Variants in ADGRV1 observed in about 807,000 individuals in gnomAD.
ADGRV1 encodes the protein G-protein coupled receptor 98.
ADGRV1 carries 359 observed loss-of-function variants against 596.2 expected under a neutral mutation model. The observed-to-expected ratio is 0.60, with a 90% CI of 0.55 to 0.66. The LOEUF (loss-of-function observed/expected upper bound fraction) is 0.66. Ranked by LOEUF, ADGRV1 falls within the 30% of genes least tolerant of loss-of-function variation. The pLI is 0.00. For missense variants in ADGRV1, 7,274 were observed against 7,575.6 expected, an observed-to-expected ratio of 0.96 and a Z score of 1.48; for synonymous variants, 2,681 against 2,679.2, an observed-to-expected ratio of 1.00 and a Z score of -0.02.
intron 83 of ADGRV1, among the ~76,000 whole-genome samples, chr5:90,939,747 A>C (rs185838088): frequency 1.4e-3 from 209 of 152,274 alleles, no homozygotes; most frequent in African/African-American, 4.7e-3. Context: ...ATAATACCTG[A>C]TACTTGAATA....
At chr5:90,929,087 TTGTC>T (rs1421637079) in intron 83 of ADGRV1, among the ~76,000 whole-genome samples, 1 of 148,136 alleles carries the variant, frequency 6.8e-6, no homozygotes, top group Non-Finnish European at 1.5e-5. Flanking sequence ...GTCTTTTTGT[TTGTC>T]TGTGCCCTGC....
chr5:91,079,027 A>AT lies in ADGRV1; in HGVS notation c.18310+6431dup, dbSNP rs1037494891. 8.5e-5 allele frequency among the ~76,000 whole-genome samples: 13 copies of AT among 152,106 alleles called. No homozygotes were observed. The South Asian group carries it at 2.7e-3, about 32-fold the overall frequency. ...AATAAAAATGGGAAAACATGATATG[A>AT]TTTTTTTTCCTAAAGCAGAATTGGG... On this transcript the variant is annotated intron_variant, in intron 86 of 89. Coordinates refer to ENST00000405460, the MANE Select transcript of ADGRV1 (RefSeq NM_032119.4).
rs935982028 is a variant in ADGRV1 at position 90,823,533 on chromosome 5, G to C, written c.16305G>C (p.Gly5435=). The C allele has an allele frequency of 6.2e-7, 1 of 1,613,904 alleles. No individual in the cohort carries two copies. The highest frequency in any genetic ancestry group is 8.5e-7 in the Non-Finnish European group (1 of 1,179,838). Residue 5435 remains glycine (G), a synonymous_variant, in exon 76 of 90, where the codon GGG becomes GGC. Coordinates refer to ENST00000405460, the MANE Select transcript of ADGRV1 (RefSeq NM_032119.4). ...TGGAGGAACTTCAGTCTGTGTCAGG[G>C]ACCACAACCTGTACAATGGGTCAAA... is the stretch of plus-strand genomic sequence containing the variant. ...NLVEELQSVS[G]TTTCTMGQTK... is the part of the protein sequence containing the mutation.
At position 90,684,217 on chromosome 5, in the gene ADGRV1, A is replaced by G. The variant is rs765953861; in HGVS notation, c.6274+22A>G. 8 of 1,449,226 alleles carry G rather than the reference A, an allele frequency of 5.5e-6. No individual in the cohort carries two copies. In the South Asian group the frequency reaches 6.8e-5, roughly 12 times the overall value. The allele number at this position is 1,449,226 out of a possible 1,614,324, so 89.8% of individuals were successfully genotyped here. On this transcript the variant is annotated intron_variant, in intron 28 of 89. Transcript: ENST00000405460. The stretch of plus-strand genomic sequence containing the variant: ...TCAAGTAAGTATCCCTTAGTGTGTT[A>G]TTATTATTATTAGCTCTCAGAATCC...
At chr5:90,643,309 C>G (rs902411180) in intron 13 of ADGRV1, among the ~76,000 whole-genome samples, 1 of 151,212 alleles carries the variant, frequency 6.6e-6, no homozygotes, top group African/African-American at 2.5e-5. Context: ...CTCCTTTTAG[C>G]TTTATTCATG....
chr5:90,774,659 C>T (rs1758036617), intron 60 of ADGRV1, among the ~76,000 whole-genome samples: 2 of 151,988 alleles, frequency 1.3e-5, no homozygotes, highest in South Asian at 2.1e-4. Flanking sequence ...AGCCATTCAA[C>T]GTGACATAAC....
Position 91,008,240 on chromosome 5 carries a change from A to C in ADGRV1, c.18152+22718A>C, listed in dbSNP as rs375149065. ...TTAACAGCTGACTTCCGTGGTCAGG[A>C]GACAACTGACTTGGAGCATCAGTTA... is the stretch of plus-strand genomic sequence containing the variant. On this transcript the variant is annotated intron_variant, in intron 85 of 89. Transcript: ENST00000405460. 7.9e-5 allele frequency among the ~76,000 whole-genome samples: 12 copies of C among 152,240 alleles called. 1 individual carries two copies. The East Asian group carries it at 2.1e-3, about 27-fold the overall frequency.
chr5:91,032,637 C>T (rs1011890936), intron 85 of ADGRV1, among the ~76,000 whole-genome samples: 2 of 151,562 alleles, frequency 1.3e-5, no homozygotes, highest in African/African-American at 4.8e-5. Flanking sequence ...CTTTCTTTGC[C>T]TTACTAAGTT....
chr5:90,826,996 A>C (rs1039986823), intron 76 of ADGRV1, among the ~76,000 whole-genome samples: 4 of 152,206 alleles, frequency 2.6e-5, no homozygotes, highest in African/African-American at 9.7e-5. Flanking sequence ...AAAATGTAAA[A>C]GGTAACAACT....
intron 1 of ADGRV1, among the ~76,000 whole-genome samples, chr5:90,596,212 C>T (rs1760546753): frequency 6.7e-6 from 1 of 150,216 alleles, no homozygotes. Flanking sequence ...CAGAGACGCT[C>T]CTCACTTCCT....
intron 50 of ADGRV1, among the ~76,000 whole-genome samples, chr5:90,730,413 A>G (rs1388820481): frequency 6.6e-6 from 1 of 152,164 alleles, no homozygotes; most frequent in Non-Finnish European, 1.5e-5. Context: ...TAAAATATGA[A>G]AGTATGTATA....
At chr5:91,065,895 A>G (rs548799111) in intron 85 of ADGRV1, among the ~76,000 whole-genome samples, 1 of 152,314 alleles carries the variant, frequency 6.6e-6, no homozygotes, top group East Asian at 1.9e-4. Context: ...AAGACTTTGA[A>G]GTGAATTAGA....
intron 85 of ADGRV1, among the ~76,000 whole-genome samples, chr5:90,995,566 A>G (rs760094836): frequency 1.3e-5 from 2 of 152,208 alleles, no homozygotes; most frequent in Non-Finnish European, 2.9e-5. Flanking sequence ...CTAATATAGA[A>G]AATTGGTACC....
chr5:90,778,369 G>T, intron 62 of ADGRV1, 58 bp from the exon 63 acceptor site: 1 of 1,406,950 alleles, frequency 7.1e-7, no homozygotes, highest in South Asian at 1.2e-5. Context: ...TTAGAGGTTA[G>T]GAGTTTTTCT....
At chr5:91,040,760 C>T (rs534120625) in intron 85 of ADGRV1, among the ~76,000 whole-genome samples, 17 of 152,246 alleles carry the variant, frequency 1.1e-4, no homozygotes, top group African/African-American at 4.1e-4. Flanking sequence ...CTATTATCAA[C>T]TAAGCATTCA....
chr5:90,658,047 A>G lies in ADGRV1; in HGVS notation c.4521A>G (p.Leu1507=). The G allele has an allele frequency of 7.4e-6, 12 of 1,614,010 alleles. No homozygotes were observed. The highest frequency in any genetic ancestry group is 1.0e-5 in the Non-Finnish European group (12 of 1,179,880). The change falls in exon 21 of 90, where the codon TTA becomes TTG. Residue 1507 remains leucine (L), a synonymous_variant. Coordinates refer to ENST00000405460, the MANE Select transcript of ADGRV1 (RefSeq NM_032119.4). ...ELHAMPAKSD[L]HPISGYLEFR... ...ATGCCATGCCCGCAAAAAGTGATTT[A>G]CACCCAATTTCTGGATATCTGGAGT...
intron 87 of ADGRV1, among the ~76,000 whole-genome samples, chr5:91,139,973 A>T (rs930911067): frequency 3.9e-5 from 6 of 152,066 alleles, no homozygotes; most frequent in African/African-American, 1.4e-4. Flanking sequence ...TTCCTTGTTT[A>T]CTTCACTGGT....
chr5:91,062,298 A>G (rs1450119235), intron 85 of ADGRV1, among the ~76,000 whole-genome samples: 1 of 152,206 alleles, frequency 6.6e-6, no homozygotes, highest in Admixed American at 6.5e-5. Context: ...TCAAATTCTC[A>G]AGGGCAAAAG....
intron 33 of ADGRV1, 142 bp from the exon 34 acceptor site, chr5:90,696,795 A>T (rs1399961827): frequency 6.1e-6 from 3 of 494,966 alleles, no homozygotes; most frequent in Non-Finnish European, 1.1e-5. Context: ...AAATTTGCTT[A>T]TGTTGCCCAT....
Sources: allele counts gnomAD v4.1 joint callset (sites outside exome capture counted in the v4.1 genomes callset), GRCh38; gene constraint gnomAD v4.1.1; transcripts MANE v1.5; gene names NCBI Gene and HGNC (gene_info 2026-07-23, HGNC 2026-07-21).